The following TRMT2A variants were observed in gnomAD, a reference collection of about 807,000 sequenced individuals.
TRMT2A encodes tRNA methyltransferase 2A.
TRMT2A carries 60 observed loss-of-function variants against 59.3 expected under a neutral mutation model. The ratio of observed to expected loss-of-function variants is 1.01; its 90% CI spans 0.82 to 1.26. The LOEUF (loss-of-function observed/expected upper bound fraction) is 1.26. Ranked by LOEUF, TRMT2A falls within the 50% of genes most tolerant of loss-of-function variation. The pLI is 0.00. For missense variants in TRMT2A, 863 were observed against 845.2 expected (o/e 1.02, Z -0.26); for synonymous variants, 403 against 353.7 (o/e 1.14, Z -1.56).
intron 7 of TRMT2A, among the ~76,000 whole-genome samples, chr22:20,114,122 A>C (rs114430300): frequency 6.6e-6 from 1 of 151,880 alleles, no homozygotes; most frequent in African/African-American, 2.4e-5. Context: ...GCCTCCCACA[A>C]CTCACACCGG....
At chr22:20,114,495 C>T in intron 7 of TRMT2A, 79 bp downstream of exon 7, 1 of 1,198,740 alleles carries the variant, frequency 8.3e-7, no homozygotes, top group Non-Finnish European at 1.2e-6. Context: ...CCGCCTGAGC[C>T]CACTGTTCCC....
In TRMT2A at chr22:20,114,992, G is replaced by A; in HGVS notation, c.978C>T (p.Ala326=). 1.9e-6 allele frequency: 3 copies of A among 1,598,514 alleles called. No individual in the cohort carries two copies. Among genetic ancestry groups the A allele is most frequent in the Non-Finnish European group, 2.6e-6 (3 of 1,174,278 alleles). The change falls in exon 5 of 12, where the codon GCC becomes GCT. Residue 326 remains alanine (A), a synonymous_variant. Transcript: ENST00000252136. ...GGGGGTGGAAGTAGGCAATGGCCATGGCCTGGTGGCGGCGGCTGGTGCGCA... is the reference window on the plus strand; with the variant it reads ...GGGGGTGGAAGTAGGCAATGGCCATAGCCTGGTGGCGGCGGCTGGTGCGCA... ...LTVRTSRRHQ[A]MAIAYFHPQK...
chr22:20,116,769 T>C, intron 1 of TRMT2A, 114 bp downstream of exon 1: 1 of 1,447,146 alleles, frequency 6.9e-7, no homozygotes, highest in East Asian at 2.5e-5. Flanking sequence ...CCCGTCTCCT[T>C]TCCTCCCCTA....
intron 7 of TRMT2A, 32 bp downstream of exon 7, chr22:20,114,542 T>C: frequency 6.4e-7 from 1 of 1,570,042 alleles, no homozygotes; most frequent in African/African-American, 1.3e-5. Flanking sequence ...TCCCTCAACA[T>C]GTCCCCATGC....
Position 20,112,958 on chromosome 22 carries a change from CAG to C in TRMT2A, c.1597_1598del (p.Leu533AlafsTer23), listed in dbSNP as rs1270200124. On this transcript the variant is annotated frameshift_variant, in exon 11 of 12. Coordinates refer to ENST00000252136, the MANE Select transcript of TRMT2A (RefSeq NM_022727.6). LOFTEE classifies it low-confidence loss of function (END_TRUNC). The part of the protein sequence containing the change: ...AIRRAKNLRR[L>X]LYVSCNPRAA... ...CCCGGGGGTTGCATGAGACGTACAG[CAG>C]CCGCCTGAGGTTCTTAGCTCTCCGG... 1 of 1,613,854 alleles carries C rather than the reference CAG, an allele frequency of 6.2e-7. No homozygotes were observed. Among genetic ancestry groups the C allele is most frequent in the Non-Finnish European group, 8.5e-7 (1 of 1,180,024 alleles).
intron 3 of TRMT2A, 77 bp from the exon 4 acceptor site, chr22:20,115,524 C>T: frequency 8.3e-6 from 13 of 1,569,622 alleles, no homozygotes; most frequent in Non-Finnish European, 1.1e-5. Flanking sequence ...CCCACAGGGG[C>T]TGGCAGTCAA....
Position 20,116,388 on chromosome 22 carries a change from G to A in TRMT2A, c.249C>T (p.His83=), listed in dbSNP as rs753247748. The part of the protein sequence containing the change: ...FKLELQNVPR[H]ASFSDVRRFL... ...AGCGCCGGACGTCGCTGAAGCTGGC[G>A]TGGCGAGGCACGTTCTGCAGCTCCA... Residue 83 remains histidine (H), a synonymous_variant, in exon 2 of 12, where the codon CAC becomes CAT. Transcript: ENST00000252136. 2.5e-6 allele frequency: 4 copies of A among 1,611,976 alleles called. No individual in the cohort carries two copies. The highest frequency in any genetic ancestry group is 3.4e-6 in the Non-Finnish European group (4 of 1,179,204).
At position 20,116,334 on chromosome 22, in the gene TRMT2A, G is replaced by A. The variant is rs1221168186; in HGVS notation, c.303C>T (p.His101=). 3 of 1,612,878 alleles carry A rather than the reference G, an allele frequency of 1.9e-6. No individual in the cohort carries two copies. Among genetic ancestry groups the A allele is most frequent in the Non-Finnish European group, 2.5e-6 (3 of 1,180,026 alleles). ...RFLGRFGLQP[H]KTKLFGQPPC... ...GTGGTTGCCCAAAGAGTTTGGTTTT[G>A]TGGGGCTGCAGACCAAAGCGGCCCA... Residue 101 remains histidine, a synonymous_variant, in exon 2 of 12, where the codon CAC becomes CAT. Transcript: ENST00000252136.
rs1285782775 is a variant in TRMT2A, at chr22:20,116,710, C to G, written c.25-98G>C. On this transcript the variant is annotated intron_variant, in intron 1 of 11. Coordinates refer to ENST00000252136, the MANE Select transcript of TRMT2A (RefSeq NM_022727.6). ...GGACACCCAGACCTCCGTCGGTGCA[C>G]TCTGCACTCAGCCCTGCCCCTCCCC... 4 of 1,464,116 alleles carry G rather than the reference C, an allele frequency of 2.7e-6. No individual in the cohort carries two copies. In the East Asian group the frequency reaches 7.4e-5, roughly 27 times the overall value. 90.7% of individuals were successfully genotyped at this position (1,464,116 alleles called of 1,614,324 possible).
rs568021184 is a variant in TRMT2A at position 20,112,957 on chromosome 22, G to A, written c.1600C>T (p.Leu534=). Residue 534 remains leucine, a synonymous_variant, in exon 11 of 12, where the codon CTG becomes TTG. Transcript: ENST00000252136. The part of the protein sequence containing the change: ...IRRAKNLRRL[L]YVSCNPRAAM... ...GCCCGGGGGTTGCATGAGACGTACA[G>A]CAGCCGCCTGAGGTTCTTAGCTCTC... The A allele has an allele frequency of 2.0e-5, 33 of 1,613,810 alleles. No homozygotes were observed. In the East Asian group the frequency reaches 7.4e-4, roughly 36 times the overall value.
At chr22:20,113,356 C>CTGGCTG in intron 9 of TRMT2A, 76 bp downstream of exon 9, 1 of 1,549,668 alleles carries the variant, frequency 6.5e-7, no homozygotes, top group Middle Eastern at 1.8e-4. Flanking sequence ...CCCCCAAGCC[C>CTGGCTG]TGGCTGTGGC....
chr22:20,114,131 G>GCGGT (rs1466978412), intron 7 of TRMT2A, among the ~76,000 whole-genome samples: 1 of 152,038 alleles, frequency 6.6e-6, no homozygotes. Flanking sequence ...AACTCACACC[G>GCGGT]GGGCCCCTGG....
rs779892438 is a variant in TRMT2A, at chr22:20,112,603, T to C, written c.1838A>G (p.Asp613Gly). The change falls in exon 12 of 12, where the codon GAT becomes GGT. Residue 613 changes from aspartate (D) to glycine (G), a missense_variant. Asp to Gly is a moderately conservative substitution (Grantham distance 94). Transcript: ENST00000252136. ...PPAQPTPGPP[D>G]NTLQETGTFP... ...GGTCCCAGTTTCTTGTAGGGTGTTA[T>C]CTGGGGGTCCTGGTGTGGGTTGAGC... 13 of 1,614,092 alleles carry C rather than the reference T, an allele frequency of 8.1e-6. No individual in the cohort carries two copies. Among genetic ancestry groups the C allele is most frequent in the Admixed American group, 1.7e-5 (1 of 60,026 alleles).
Position 20,115,357 on chromosome 22 carries a change from C to G in TRMT2A, c.799G>C (p.Gly267Arg), listed in dbSNP as rs2049977694. 6.2e-7 allele frequency: 1 copy of G among 1,612,724 alleles called. No homozygotes were observed. Reference protein sequence around the residue: ...TVGCRLGKYKGGTCAVAAPFD... With the variant: ...TVGCRLGKYKRGTCAVAAPFD... ...GGGGCTGCCACAGCACACGTCCCGC[C>G]CTTGTACTTGCCGAGCCGACAGCCC... The change falls in exon 4 of 12, where the codon GGC (glycine) becomes CGC (arginine). Residue 267 changes from glycine (G) to arginine (R), a missense_variant. By Grantham distance (125) the Gly-to-Arg change is moderately radical. Transcript: ENST00000252136.
Position 20,116,354 on chromosome 22 carries a change from G to C in TRMT2A, c.283C>G (p.Arg95Gly), listed in dbSNP as rs772546480. Residue 95 changes from arginine (R) to glycine (G), a missense_variant, in exon 2 of 12, where the codon CGC becomes GGC. Coordinates refer to ENST00000252136, the MANE Select transcript of TRMT2A (RefSeq NM_022727.6). ...GTTTTGTGGGGCTGCAGACCAAAGC[G>C]GCCCAGGAAGCGCCGGACGTCGCTG... ...SFSDVRRFLG[R>G]FGLQPHKTKL... 1.2e-5 allele frequency: 19 copies of C among 1,612,810 alleles called. No homozygotes were observed. The highest frequency in any genetic ancestry group is 1.7e-5 in the Admixed American group (1 of 60,030).
In TRMT2A at chr22:20,113,240, G is replaced by A. The variant is rs371121087; in HGVS notation, c.1433-6C>T. ...GAACTCCACATTACTCAACTCTGAA[G>A]AGATGGCACCGTGGCCTGTCAGAGG... On this transcript the variant is annotated splice_region_variant and splice_polypyrimidine_tract_variant and intron_variant, in intron 9 of 11. Coordinates refer to ENST00000252136, the MANE Select transcript of TRMT2A (RefSeq NM_022727.6). The A allele has an allele frequency of 2.3e-5, 36 of 1,543,470 alleles. No homozygotes were observed. The highest frequency in any genetic ancestry group is 8.2e-5 in the African/African-American group (6 of 73,290).
intron 11 of TRMT2A, 40 bp from the exon 12 acceptor site, chr22:20,112,834 G>A (rs562358216): frequency 1.0e-4 from 164 of 1,612,640 alleles, no homozygotes; most frequent in Non-Finnish European, 1.3e-4. Flanking sequence ...CAGCCGATAG[G>A]CTAATCAGGG....
At position 20,113,688 on chromosome 22, in the gene TRMT2A, G is replaced by A. The variant is rs541354120; in HGVS notation, c.1354C>T (p.Arg452Trp). 24 of 1,595,490 alleles carry A rather than the reference G, an allele frequency of 1.5e-5. No individual in the cohort carries two copies. The South Asian group carries it at 1.7e-4, about 11-fold the overall frequency. The change falls in exon 8 of 12, where the codon CGG (arginine) becomes TGG (tryptophan). Residue 452 changes from arginine to tryptophan, a missense_variant and splice_region_variant. Arg to Trp is a moderately radical substitution (Grantham distance 101). Coordinates refer to ENST00000252136, the MANE Select transcript of TRMT2A (RefSeq NM_022727.6). ...CTCAGCAGGGCAGGAGGGCTCACCC[G>A]GGCCAGGGCCAGGCCAATGGTGCCG... ...GTGTIGLALA[R>W]KVKRVIGVEL...
Position 20,113,165 on chromosome 22 carries a change from GCCAGTCTGCTCA to G in TRMT2A, c.1490_1501del (p.Val497_Leu500del), listed in dbSNP as rs757052140. The G allele has an allele frequency of 9.4e-6, 15 of 1,598,038 alleles. No individual in the cohort carries two copies. The highest frequency in any genetic ancestry group is 1.3e-5 in the African/African-American group (1 of 74,722). ...CAGGATGGCCACGAGGTGCTGGGAG[GCCAGTCTGCTCA>G]CCAGGGTGGGCACCAGGTCCTCGGC... On this transcript the variant is annotated inframe_deletion, in exon 10 of 12. Transcript: ENST00000252136.
Sources: allele counts gnomAD v4.1 joint callset (sites outside exome capture counted in the v4.1 genomes callset), GRCh38; gene constraint gnomAD v4.1.1; transcripts MANE v1.5; gene names NCBI Gene and HGNC (gene_info 2026-07-23, HGNC 2026-07-21).